The following SHROOM4 variants were observed in gnomAD, a reference collection of about 807,000 sequenced individuals.
SHROOM4 encodes the protein shroom family member 4.
In SHROOM4, 17 loss-of-function variants were observed where a neutral mutation model predicts 80.3. The observed-to-expected ratio is 0.21, with a 90% CI of 0.14 to 0.32. SHROOM4 has a LOEUF of 0.32. SHROOM4 is among the 10% of genes least tolerant of loss of function. SHROOM4 has a pLI of 1.00. For synonymous variants in SHROOM4, 400 were observed against 437.5 expected (o/e 0.91, Z 1.07); for missense variants, 993 against 1,140.3 (o/e 0.87, Z 1.86).
downstream of SHROOM4, among the ~76,000 whole-genome samples, chrX:50,586,329 G>T (rs1213402572): frequency 9.0e-6 from 1 of 111,590 alleles, no homozygotes; most frequent in Non-Finnish European, 1.9e-5. Context: ...TTTACTCATG[G>T]CCTTTTCCCA....
rs549410092 is a variant in SHROOM4, at chrX:50,720,714, C to G, written c.118-24777G>C. On this transcript the variant is annotated intron_variant, in intron 1 of 8. Transcript: ENST00000376020. Reference sequence around the variant, plus strand: ...AACAAGAAGAAAGCTGAAAACCCCTCCCTAGCAAGCCTAAGGTTTCACAGA... The same window carrying G: ...AACAAGAAGAAAGCTGAAAACCCCTGCCTAGCAAGCCTAAGGTTTCACAGA... Among the ~76,000 whole-genome samples, 105 of 111,628 alleles carry G rather than the reference C, an allele frequency of 9.4e-4. No individual in the cohort carries two copies. The Middle Eastern group carries it at 0.014, about 15-fold the overall frequency.
chrX:50,802,667 T>C (rs1383016797), intron 1 of SHROOM4, among the ~76,000 whole-genome samples: 2 of 112,154 alleles, frequency 1.8e-5, no homozygotes, highest in Non-Finnish European at 3.8e-5. Flanking sequence ...TGACTGGTAC[T>C]GTGCTAGGTG....
chrX:50,765,036 T>C (rs1557269221), intron 1 of SHROOM4, among the ~76,000 whole-genome samples: 1 of 111,427 alleles, frequency 9.0e-6, no homozygotes, highest in East Asian at 2.8e-4. Context: ...TTATTCACTG[T>C]CACGAGAACA....
chrX:50,807,434 A>C (rs1216073175), intron 1 of SHROOM4, among the ~76,000 whole-genome samples: 1 of 111,994 alleles, frequency 8.9e-6, no homozygotes, highest in Non-Finnish European at 1.9e-5. Flanking sequence ...ATATTCCTAC[A>C]TAGGGGCTCT....
At chrX:50,663,531 C>T (rs1932585135) in intron 2 of SHROOM4, among the ~76,000 whole-genome samples, 1 of 109,967 alleles carries the variant, frequency 9.1e-6, no homozygotes, top group Non-Finnish European at 1.9e-5. Flanking sequence ...TGCTTGCAAT[C>T]CTGCAGTGGT....
intron 1 of SHROOM4, among the ~76,000 whole-genome samples, chrX:50,785,354 T>TA: frequency 8.9e-6 from 1 of 111,955 alleles, no homozygotes; most frequent in Non-Finnish European, 1.9e-5. Flanking sequence ...TCATAGCAGC[T>TA]TTATTCATAA....
At chrX:50,660,685 G>A (rs1932479040) in intron 2 of SHROOM4, among the ~76,000 whole-genome samples, 1 of 103,576 alleles carries the variant, frequency 9.7e-6, no homozygotes, top group Non-Finnish European at 2.0e-5. Flanking sequence ...GCGTGATCAC[G>A]GCTCACTGCA....
chrX:50,670,393 A>T (rs1481859923), intron 2 of SHROOM4, among the ~76,000 whole-genome samples: 4 of 110,417 alleles, frequency 3.6e-5, no homozygotes, highest in Non-Finnish European at 7.6e-5. Context: ...GTTTTCTGAG[A>T]ATGATGGTTT....
chrX:50,608,585 C>A (rs1297377526), intron 5 of SHROOM4, among the ~76,000 whole-genome samples: 1 of 111,909 alleles, frequency 8.9e-6, no homozygotes, highest in Non-Finnish European at 1.9e-5. Flanking sequence ...ACACATACTA[C>A]CCCAGTCTGT....
rs940124759 is a variant in SHROOM4, at chrX:50,591,892, T to C, written c.*4803A>G. ...GCCACCACACCTGGCTAATTTTTTG[T>C]ATTTTTAGTAGAGATAGGGTTTCAC... On this transcript the variant is annotated 3_prime_UTR_variant, in exon 9 of 9. Coordinates refer to ENST00000376020, the MANE Select transcript of SHROOM4 (RefSeq NM_020717.5). 1 of 321,361 alleles carries C rather than the reference T, an allele frequency of 3.1e-6. No homozygotes were observed. Among genetic ancestry groups the C allele is most frequent in the Admixed American group, 3.2e-5 (1 of 31,696 alleles). The allele number at this position is 321,361 out of a possible 1,213,427, so 26.5% of individuals were successfully genotyped here.
chrX:50,678,262 T>A (rs1932880157), intron 2 of SHROOM4, among the ~76,000 whole-genome samples: 1 of 111,529 alleles, frequency 9.0e-6, no homozygotes. Flanking sequence ...CCTGATTTCA[T>A]CTAATTAAGC....
At chrX:50,730,319 C>G (rs1051619546) in intron 1 of SHROOM4, among the ~76,000 whole-genome samples, 32 of 110,250 alleles carry the variant, frequency 2.9e-4, no homozygotes, top group African/African-American at 9.9e-4. Flanking sequence ...CCCAGCTACT[C>G]GGGAGGCTGA....
chrX:50,616,043 A>C (rs1557250735), intron 5 of SHROOM4, among the ~76,000 whole-genome samples: 1 of 112,038 alleles, frequency 8.9e-6, no homozygotes, highest in Non-Finnish European at 1.9e-5. Flanking sequence ...TGCCGTCCTT[A>C]GCTACACATC....
At chrX:50,611,133 T>C (rs1396247099) in intron 5 of SHROOM4, among the ~76,000 whole-genome samples, 1 of 91,501 alleles carries the variant, frequency 1.1e-5, no homozygotes, top group Non-Finnish European at 2.1e-5. Context: ...CAGACCATAT[T>C]TTCTTTTTTT....
rs189973802 is a variant in SHROOM4 at position 50,710,582 on chromosome X, G to A, written c.118-14645C>T. ...GTACTATGCTTAGTACCTAGGTGAC[G>A]GGATCAATTGTACCCTGAACGTCAG... On this transcript the variant is annotated intron_variant, in intron 1 of 8. Coordinates refer to ENST00000376020, the MANE Select transcript of SHROOM4 (RefSeq NM_020717.5). Among the ~76,000 whole-genome samples, 11 of 111,146 alleles carry A rather than the reference G, an allele frequency of 9.9e-5. No individual in the cohort carries two copies. The East Asian group carries it at 2.5e-3, about 26-fold the overall frequency.
intron 2 of SHROOM4, among the ~76,000 whole-genome samples, chrX:50,673,589 G>A (rs192373445): frequency 3.6e-5 from 4 of 111,188 alleles, no homozygotes; most frequent in African/African-American, 1.3e-4. Flanking sequence ...ACACATCAAT[G>A]AAAAGACAGA....
chrX:50,725,912 G>C (rs1280680107), intron 1 of SHROOM4, among the ~76,000 whole-genome samples: 1 of 112,191 alleles, frequency 8.9e-6, no homozygotes, highest in Non-Finnish European at 1.9e-5. Flanking sequence ...CAGTTTGGAG[G>C]GCTCAGAAGA....
chrX:50,616,377 T>G (rs1450872306), intron 5 of SHROOM4, among the ~76,000 whole-genome samples: 1 of 111,828 alleles, frequency 8.9e-6, no homozygotes, highest in Non-Finnish European at 1.9e-5. Context: ...GTCATTTATT[T>G]TTTAGTCTAG....
chrX:50,647,676 C>T (rs1019605898), intron 2 of SHROOM4, among the ~76,000 whole-genome samples: 1 of 112,088 alleles, frequency 8.9e-6, no homozygotes, highest in South Asian at 3.8e-4. Context: ...CGACCTACCA[C>T]TTTTCAGAGG....
Sources: gnomAD v4.1 joint callset for allele counts (sites outside exome capture counted in the v4.1 genomes callset) on GRCh38, gnomAD v4.1.1 for gene constraint, MANE v1.5 for transcripts, NCBI Gene and HGNC (gene_info 2026-07-23, HGNC 2026-07-21) for gene names.